Variants in GREM2 observed in about 807,000 individuals in gnomAD.
GREM2 encodes gremlin-2.
GREM2 carries 11 observed loss-of-function variants against 14.2 expected under a neutral mutation model. The observed-to-expected ratio is 0.78, with a 90% CI of 0.49 to 1.28. The LOEUF (loss-of-function observed/expected upper bound fraction) is 1.28. GREM2 is among the 50% of genes most tolerant of loss of function. The probability of loss-of-function intolerance (pLI) is 0.00; values close to 1 mark genes in which losing one functional copy is unlikely to be tolerated. For missense variants in GREM2, 210 were observed against 218.5 expected, an observed-to-expected ratio of 0.96 and a Z score of 0.24; for synonymous variants, 98 against 97.6, an observed-to-expected ratio of 1.00 and a Z score of -0.02.
intron 1 of GREM2, among the ~76,000 whole-genome samples, chr1:240,601,214 T>C (rs1281445501): frequency 6.6e-6 from 1 of 152,244 alleles, no homozygotes; most frequent in Non-Finnish European, 1.5e-5. Flanking sequence ...TTATCTCACA[T>C]AATTCGTAAG....
At chr1:240,572,849 C>G (rs903662628) in intron 1 of GREM2, among the ~76,000 whole-genome samples, 1 of 152,074 alleles carries the variant, frequency 6.6e-6, no homozygotes, top group Non-Finnish European at 1.5e-5. Context: ...GAGAGGGATG[C>G]TGAAAAGGGA....
chr1:240,490,708 G>T lies in GREM2; in HGVS notation c.*2261C>A, dbSNP rs1284926307. 1 of 152,170 alleles carries T rather than the reference G, an allele frequency of 6.6e-6. No individual in the cohort carries two copies. The highest frequency in any genetic ancestry group is 6.6e-5 in the Admixed American group (1 of 15,264). The allele number at this position is 152,170 out of a possible 1,614,324, so 9.4% of individuals were successfully genotyped here. A position where few individuals can be genotyped will look rare whatever the true frequency, so the allele number is the denominator to read the frequency against. Reference sequence around the variant, plus strand: ...TGCTTTCATTGCTACACCCACAATTGGGTTCGAAGAGAGTGTGCTCGTGTT... The same window carrying T: ...TGCTTTCATTGCTACACCCACAATTTGGTTCGAAGAGAGTGTGCTCGTGTT... On this transcript the variant is annotated 3_prime_UTR_variant, in exon 2 of 2. Coordinates refer to ENST00000318160, the MANE Select transcript of GREM2 (RefSeq NM_022469.4).
intron 1 of GREM2, among the ~76,000 whole-genome samples, chr1:240,497,656 T>TTC (rs1473080790): frequency 2.6e-5 from 4 of 151,756 alleles, no homozygotes; most frequent in African/African-American, 4.8e-5. Flanking sequence ...AAAAAGTTTT[T>TTC]TTTTTTTTGC....
At chr1:240,572,428 C>T (rs773561916) in intron 1 of GREM2, among the ~76,000 whole-genome samples, 11 of 152,194 alleles carry the variant, frequency 7.2e-5, no homozygotes, top group Non-Finnish European at 1.0e-4. Context: ...CTAAGCCTTA[C>T]TTGTTTGCAT....
At chr1:240,501,796 C>A (rs1677574722) in intron 1 of GREM2, among the ~76,000 whole-genome samples, 1 of 152,090 alleles carries the variant, frequency 6.6e-6, no homozygotes, top group Non-Finnish European at 1.5e-5. Flanking sequence ...ACACTTGCCA[C>A]CCTCTGGACC....
At chr1:240,499,652 T>C (rs1448721215) in intron 1 of GREM2, among the ~76,000 whole-genome samples, 1 of 152,246 alleles carries the variant, frequency 6.6e-6, no homozygotes, top group Non-Finnish European at 1.5e-5. Flanking sequence ...TCGATGTTTC[T>C]TGGCCCTGGG....
At chr1:240,587,043 TA>T (rs1679613490) in intron 1 of GREM2, among the ~76,000 whole-genome samples, 1 of 152,188 alleles carries the variant, frequency 6.6e-6, no homozygotes, top group Non-Finnish European at 1.5e-5. Context: ...TCGAAGGCTT[TA>T]TTTGATCGAT....
At chr1:240,537,500 AAGG>A (rs1174950191) in intron 1 of GREM2, among the ~76,000 whole-genome samples, 1 of 152,144 alleles carries the variant, frequency 6.6e-6, no homozygotes, top group Non-Finnish European at 1.5e-5. Context: ...GAAACAACAA[AAGG>A]AGTTCAGGCC....
intron 1 of GREM2, among the ~76,000 whole-genome samples, chr1:240,514,333 T>C (rs991909808): frequency 1.3e-5 from 2 of 151,616 alleles, no homozygotes; most frequent in African/African-American, 2.4e-5. Flanking sequence ...AGCAAAGTTT[T>C]TGAAGTAAGC....
intron 1 of GREM2, among the ~76,000 whole-genome samples, chr1:240,501,431 A>G (rs1350606329): frequency 6.6e-6 from 1 of 152,260 alleles, no homozygotes; most frequent in Non-Finnish European, 1.5e-5. Flanking sequence ...GGTTTTCAAC[A>G]GAGAAGAAAT....
At position 240,490,112 on chromosome 1, in the gene GREM2, TCAGAAC is replaced by T. The variant is rs1360293096; in HGVS notation, c.*2851_*2856del. The T allele has an allele frequency of 7.9e-5, 12 of 152,196 alleles. No individual in the cohort carries two copies. Among genetic ancestry groups the T allele is most frequent in the African/African-American group, 2.9e-4 (12 of 41,442 alleles). The allele number at this position is 152,196 out of a possible 1,614,324, so 9.4% of individuals were successfully genotyped here. On this transcript the variant is annotated 3_prime_UTR_variant, in exon 2 of 2. Transcript: ENST00000318160. ...GAGTAAATGTGAAAATGAACAAAAC[TCAGAAC>T]AAGTGTGTCCCTGGTGCTAACGGAG... is the stretch of plus-strand genomic sequence containing the variant.
chr1:240,534,533 CA>C (rs1314527406), intron 1 of GREM2, among the ~76,000 whole-genome samples: 1 of 150,202 alleles, frequency 6.7e-6, no homozygotes, highest in African/African-American at 2.4e-5. Context: ...ACTAAAAATA[CA>C]AAAAAAAATT....
intron 1 of GREM2, among the ~76,000 whole-genome samples, chr1:240,521,295 G>A (rs6674727): frequency 1 from 151,637 of 152,308 alleles, 75,484 homozygotes; most frequent in South Asian, 1. Context: ...AGGGGTGGGC[G>A]CGGTGGCTCA....
At chr1:240,528,071 C>T (rs531809133) in intron 1 of GREM2, among the ~76,000 whole-genome samples, 1 of 152,234 alleles carries the variant, frequency 6.6e-6, no homozygotes, top group East Asian at 1.9e-4. Context: ...GCTATGTGCC[C>T]GGCACTGTGC....
chr1:240,609,554 A>T (rs529881298), intron 1 of GREM2, among the ~76,000 whole-genome samples: 15 of 152,076 alleles, frequency 9.9e-5, no homozygotes, highest in Non-Finnish European at 2.1e-4. Context: ...TGTGTGACCC[A>T]TTTAAGCCGA....
intron 1 of GREM2, among the ~76,000 whole-genome samples, chr1:240,495,687 G>A (rs539946887): frequency 3.3e-5 from 5 of 152,244 alleles, no homozygotes; most frequent in South Asian, 2.1e-4. Flanking sequence ...CAGGCATCCC[G>A]GCTCCAGAAT....
chr1:240,578,233 C>G (rs1337926231), intron 1 of GREM2, among the ~76,000 whole-genome samples: 1 of 152,068 alleles, frequency 6.6e-6, no homozygotes, highest in Non-Finnish European at 1.5e-5. Flanking sequence ...TCAAGCTATT[C>G]TCCTGCCTCA....
Position 240,562,900 on chromosome 1 carries a change from GTGTA to G in GREM2, c.-2+48980_-2+48983del, listed in dbSNP as rs146486017. On this transcript the variant is annotated intron_variant, in intron 1 of 1. Transcript: ENST00000318160. ...TGTATGTGTGTATGAGTGTGTATGTGTGTATGTATGTCTGTGAGTGTATGTGTAT... is the reference window on the plus strand; with the variant it reads ...TGTATGTGTGTATGAGTGTGTATGTGTGTATGTCTGTGAGTGTATGTGTAT... Among the ~76,000 whole-genome samples the G allele has an allele frequency of 1.5e-3, 230 of 151,052 alleles. 4 individuals are homozygous for G. Among genetic ancestry groups the G allele is most frequent in the Admixed American group, 0.01 (153 of 15,166 alleles).
chr1:240,580,177 GC>G (rs957116194), intron 1 of GREM2, among the ~76,000 whole-genome samples: 4 of 152,102 alleles, frequency 2.6e-5, no homozygotes, highest in Non-Finnish European at 4.4e-5. Flanking sequence ...GATTGCTTGA[GC>G]CCAGGAGTTC....
Sources: gnomAD v4.1 joint callset for allele counts (sites outside exome capture counted in the v4.1 genomes callset) on GRCh38, gnomAD v4.1.1 for gene constraint, MANE v1.5 for transcripts, NCBI Gene and HGNC (gene_info 2026-07-23, HGNC 2026-07-21) for gene names.